ANAPC5: variants seen among roughly 807,000 people sequenced by gnomAD.
The protein encoded by ANAPC5 is anaphase promoting complex subunit 5, also known as anaphase-promoting complex subunit 5.
A neutral mutation model predicts 91.3 loss-of-function variants in ANAPC5; 60 were observed. The observed-to-expected ratio is 0.66, with a 90% CI of 0.53 to 0.81. The LOEUF is 0.81. Among genes scored for constraint, ANAPC5 ranks in the 40% least tolerant of loss-of-function variants. ANAPC5 has a pLI of 0.00. For synonymous variants in ANAPC5, 340 were observed against 364.1 expected (o/e 0.93, Z 0.75); for missense variants, 690 against 931.5 (o/e 0.74, Z 3.37).
intron 5 of ANAPC5, among the ~76,000 whole-genome samples, chr12:121,341,254 T>C (rs1381599826): frequency 6.6e-6 from 1 of 152,108 alleles, no homozygotes; most frequent in African/African-American, 2.4e-5. Context: ...TGGATCACCT[T>C]AGATCGAGAG....
chr12:121,352,718 T>TGGTGGTGGTGGTGGTGGTGG (rs1555275623), upstream of ANAPC5, among the ~76,000 whole-genome samples: 20 of 102,428 alleles, frequency 2.0e-4, no homozygotes, highest in South Asian at 3.7e-4. Context: ...GTTGTTGTTG[T>TGGTGGTGGTGGTGGTGGTGG]TGGTGGTGGT....
chr12:121,339,844 T>C (rs1903374753), intron 5 of ANAPC5, among the ~76,000 whole-genome samples: 1 of 151,380 alleles, frequency 6.6e-6, no homozygotes, highest in Admixed American at 6.6e-5. Context: ...AATCAAATTA[T>C]CTTCTCCTAC....
intron 11 of ANAPC5, among the ~76,000 whole-genome samples, chr12:121,321,396 G>C (rs1902603419): frequency 7.1e-6 from 1 of 140,856 alleles, no homozygotes; most frequent in Non-Finnish European, 1.5e-5. Context: ...CTGTTTCCCA[G>C]GCTGGAATGC....
rs963443835 is a variant in ANAPC5 at position 121,335,715 on chromosome 12, G to A, written c.768C>T (p.Leu256=). The change falls in exon 7 of 17, where the codon CTC becomes CTT. Residue 256 remains leucine, a synonymous_variant. Transcript: ENST00000261819. ...GGACACGGAGGTTGTTTAAGTAGCT[G>A]AGATAATGCTAAAACAAGAAATAAT... is the stretch of plus-strand genomic sequence containing the variant. ...FNPDFAEAHY[L]SYLNNLRVQD... 1 of 1,602,486 alleles carries A rather than the reference G, an allele frequency of 6.2e-7. No homozygotes were observed. The highest frequency in any genetic ancestry group is 1.3e-5 in the African/African-American group (1 of 74,642).
chr12:121,311,832 C>T (rs905759651), intron 15 of ANAPC5, among the ~76,000 whole-genome samples: 1 of 152,064 alleles, frequency 6.6e-6, no homozygotes, highest in African/African-American at 2.4e-5. Flanking sequence ...GACTCTGTCT[C>T]AGACAAAATA....
chr12:121,338,657 CAAA>C (rs1903334679), intron 5 of ANAPC5, among the ~76,000 whole-genome samples: 1 of 151,964 alleles, frequency 6.6e-6, no homozygotes, highest in Non-Finnish European at 1.5e-5. Context: ...AAAATTATTC[CAAA>C]AATATAGAAA....
chr12:121,341,161 T>C (rs1008383718), intron 5 of ANAPC5, among the ~76,000 whole-genome samples: 8 of 149,800 alleles, frequency 5.3e-5, no homozygotes, highest in African/African-American at 2.0e-4. Flanking sequence ...AGACTCCGTC[T>C]CAAAAAAAAG....
At chr12:121,331,044 C>A in intron 8 of ANAPC5, 1 of 399,352 alleles carries the variant, frequency 2.5e-6, no homozygotes, top group South Asian at 3.1e-5. Flanking sequence ...CACCCAGTTA[C>A]TAAGTGTAGT....
At chr12:121,314,618 C>A (rs1312203076) in intron 15 of ANAPC5, among the ~76,000 whole-genome samples, 1 of 151,058 alleles carries the variant, frequency 6.6e-6, no homozygotes, top group Non-Finnish European at 1.5e-5. Context: ...AAAATAAGGA[C>A]ATACACTTTT....
intron 15 of ANAPC5, among the ~76,000 whole-genome samples, chr12:121,312,163 A>G (rs538927918): frequency 1.3e-5 from 2 of 152,210 alleles, no homozygotes; most frequent in Non-Finnish European, 2.9e-5. Context: ...ACAGAAGGAA[A>G]CCAGAAAATT....
At chr12:121,348,075 A>C (rs1555274881) in intron 1 of ANAPC5, among the ~76,000 whole-genome samples, 194 bp from the exon 2 acceptor site, 1 of 152,220 alleles carries the variant, frequency 6.6e-6, no homozygotes, top group Non-Finnish European at 1.5e-5. Flanking sequence ...AGTCAGTGGA[A>C]TGGTCTAAAA....
intron 5 of ANAPC5, among the ~76,000 whole-genome samples, chr12:121,338,950 CATT>C (rs1903345007): frequency 2.0e-5 from 3 of 151,350 alleles, no homozygotes; most frequent in South Asian, 4.2e-4. Flanking sequence ...TGTATATACA[CATT>C]ATATTTTTAA....
At chr12:121,336,475 C>T (rs1419178077) in intron 6 of ANAPC5, among the ~76,000 whole-genome samples, 3 of 151,910 alleles carry the variant, frequency 2.0e-5, no homozygotes, top group Admixed American at 6.6e-5. Flanking sequence ...GTCAGGAGTT[C>T]GAGACCAGCC....
intron 3 of ANAPC5, 108 bp from the exon 4 acceptor site, chr12:121,346,139 G>A: frequency 1.2e-6 from 1 of 856,906 alleles, no homozygotes; most frequent in Non-Finnish European, 1.8e-6. Flanking sequence ...TCCTTCAGAA[G>A]AGTAAGAAAG....
chr12:121,312,172 T>G (rs1045822299), intron 15 of ANAPC5, among the ~76,000 whole-genome samples: 3 of 151,998 alleles, frequency 2.0e-5, no homozygotes, highest in African/African-American at 7.3e-5. Context: ...AACCAGAAAA[T>G]TCACAAATAT....
At chr12:121,347,550 G>T in intron 2 of ANAPC5, 1 of 437,764 alleles carries the variant, frequency 2.3e-6, no homozygotes, top group Non-Finnish European at 4.1e-6. Context: ...AAGATCACCT[G>T]AGCTCAGGAA....
rs59155973 is a variant in ANAPC5 at position 121,321,532 on chromosome 12, C to CTT, written c.1441-1075_1441-1074dup. On this transcript the variant is annotated intron_variant, in intron 11 of 16. Coordinates refer to ENST00000261819, the MANE Select transcript of ANAPC5 (RefSeq NM_016237.5). ...ACCACACACCTGGCTATACAAAATC[C>CTT]TTTTTTTTTTTTTTTTTGAGACAGA... Among the ~76,000 whole-genome samples the CTT allele has an allele frequency of 2.4e-3, 292 of 120,426 alleles. 4 individuals carry two copies. Among genetic ancestry groups the CTT allele is most frequent in the African/African-American group, 8.3e-3 (256 of 30,714 alleles). 79.0% of individuals were successfully genotyped at this position (120,426 alleles called of 152,430 possible). A position where few individuals can be genotyped will look rare whatever the true frequency, so the allele number is the denominator to read the frequency against.
rs563861632 is a variant in ANAPC5, at chr12:121,349,018, G to A, written c.208-1137C>T. Among the ~76,000 whole-genome samples the A allele has an allele frequency of 1.6e-4, 24 of 152,156 alleles. No individual in the cohort carries two copies. In the South Asian group the frequency reaches 3.1e-3, roughly 20 times the overall value. On this transcript the variant is annotated intron_variant, in intron 1 of 16. Transcript: ENST00000261819. ...AGTGGCTCACGCCTGTAATACCAGCGCCTTGGGAGGCTGAAGCAGGCAGAT... is the reference window on the plus strand; with the variant it reads ...AGTGGCTCACGCCTGTAATACCAGCACCTTGGGAGGCTGAAGCAGGCAGAT...
intron 5 of ANAPC5, among the ~76,000 whole-genome samples, chr12:121,338,552 G>A (rs1468481869): frequency 6.6e-6 from 1 of 152,062 alleles, no homozygotes; most frequent in Admixed American, 6.6e-5. Context: ...TCACGCCACT[G>A]CACTCCAGCC....
Sources: gnomAD v4.1 joint callset for allele counts (sites outside exome capture counted in the v4.1 genomes callset) on GRCh38, gnomAD v4.1.1 for gene constraint, MANE v1.5 for transcripts, NCBI Gene and HGNC (gene_info 2026-07-23, HGNC 2026-07-21) for gene names.